DOCK7: variants seen among roughly 807,000 people sequenced by gnomAD.
DOCK7 encodes the protein dedicator of cytokinesis protein 7.
Under a neutral mutation model 271.0 loss-of-function variants are expected in DOCK7, and 138 were observed. The ratio of observed to expected loss-of-function variants is 0.51; its 90% CI spans 0.44 to 0.59. The LOEUF is 0.59. Ranked by LOEUF, DOCK7 falls within the 20% of genes least tolerant of loss-of-function variation. The pLI is 0.00. For missense variants in DOCK7, 2,066 were observed against 2,592.4 expected (o/e 0.80, Z 4.41); for synonymous variants, 823 against 876.1 (o/e 0.94, Z 1.07).
Position 62,559,078 on chromosome 1 carries a change from T to C in DOCK7, c.2342A>G (p.Gln781Arg), listed in dbSNP as rs1381709545. 2 of 1,613,820 alleles carry C rather than the reference T, an allele frequency of 1.2e-6. No individual in the cohort carries two copies. The highest frequency in any genetic ancestry group is 1.7e-6 in the Non-Finnish European group (2 of 1,179,928). Residue 781 changes from glutamine (Q) to arginine (R), a missense_variant, in exon 20 of 50, where the codon CAG becomes CGG. Physicochemically the swap from Gln to Arg is conservative, Grantham distance 43. This residue lies in a region of DOCK7 where 1,414 missense variants were observed against 1,670.4 expected (regional missense o/e 0.85). Coordinates refer to ENST00000635253, the MANE Select transcript of DOCK7 (RefSeq NM_001367561.1). The part of the protein sequence containing the change: ...KSSISALNSS[Q>R]LEPVVRFLHL... Reference sequence around the variant, plus strand: ...AAGAAATCGGACCACTGGTTCCAGCTGGGATGAATTCAGTGCTGAAATACT... The same window carrying C: ...AAGAAATCGGACCACTGGTTCCAGCCGGGATGAATTCAGTGCTGAAATACT...
At chr1:62,568,797 C>A (rs1339451723) in intron 18 of DOCK7, among the ~76,000 whole-genome samples, 1 of 150,746 alleles carries the variant, frequency 6.6e-6, no homozygotes, top group African/African-American at 2.4e-5. Flanking sequence ...ATTAACAGAT[C>A]CAGAAGCTGT....
chr1:62,470,729 G>A (rs2149250349), intron 48 of DOCK7, among the ~76,000 whole-genome samples: 1 of 152,258 alleles, frequency 6.6e-6, no homozygotes, highest in Non-Finnish European at 1.5e-5. Context: ...AGGAGGCAGA[G>A]GGTGCAGTGA....
At chr1:62,624,070 T>C (rs151236357) in intron 12 of DOCK7, among the ~76,000 whole-genome samples, 11 of 152,298 alleles carry the variant, frequency 7.2e-5, no homozygotes, top group African/African-American at 2.6e-4. Context: ...CTACTCCAGT[T>C]TGTTACGCTA....
intron 18 of DOCK7, among the ~76,000 whole-genome samples, chr1:62,563,859 C>T (rs1162570248): frequency 2.9e-5 from 1 of 34,042 alleles, no homozygotes. Context: ...GAATATTTAC[C>T]AAGCAAAAAA....
chr1:62,628,245 G>A (rs561179354), intron 11 of DOCK7: 17 of 152,384 alleles, frequency 1.1e-4, no homozygotes, highest in African/African-American at 4.1e-4. Context: ...AGGCGATAAT[G>A]CTAGCTCAGC....
intron 14 of DOCK7, chr1:62,601,772 T>C (rs2149535595): frequency 1.2e-6 from 2 of 1,601,594 alleles, no homozygotes; most frequent in Middle Eastern, 1.7e-4. Flanking sequence ...ATTCTAGGCA[T>C]TCCTGCTGAA....
intron 17 of DOCK7, among the ~76,000 whole-genome samples, 177 bp downstream of exon 17, chr1:62,578,651 A>C (rs1647009985): frequency 6.7e-6 from 1 of 149,792 alleles, no homozygotes; most frequent in East Asian, 2.0e-4. Flanking sequence ...GAACCCAGGA[A>C]ACGGAGGTTG....
chr1:62,616,678 CTA>C lies in DOCK7; in HGVS notation c.1682+2026_1682+2027del, dbSNP rs571898493. On this transcript the variant is annotated intron_variant, in intron 14 of 49. Coordinates refer to ENST00000635253, the MANE Select transcript of DOCK7 (RefSeq NM_001367561.1). ...CAGAATTATGTAATGTATAAGATTT[CTA>C]TGAGACTGAATAAACTAATTTAAAT... Among the ~76,000 whole-genome samples the C allele has an allele frequency of 3.1e-3, 465 of 151,680 alleles. 5 individuals carry two copies. The highest frequency in any genetic ancestry group is 4.3e-3 in the Non-Finnish European group (294 of 67,650).
intron 31 of DOCK7, among the ~76,000 whole-genome samples, chr1:62,514,439 C>T (rs1430353051): frequency 6.6e-6 from 1 of 151,894 alleles, no homozygotes; most frequent in Non-Finnish European, 1.5e-5. Context: ...GGTTGAAATG[C>T]TATTTTCAAT....
At chr1:62,553,350 A>AT (rs1646011393) in intron 21 of DOCK7, among the ~76,000 whole-genome samples, 1 of 14,872 alleles carries the variant, frequency 6.7e-5, no homozygotes, top group African/African-American at 3.5e-4. Flanking sequence ...ATATATATAT[A>AT]TATATTTTTT....
At chr1:62,495,296 G>C (rs1646587944) in intron 39 of DOCK7, 2 of 194,228 alleles carry the variant, frequency 1.0e-5, no homozygotes, top group Non-Finnish European at 2.1e-5. Context: ...TCTACCATTA[G>C]AAAAATCACT....
intron 47 of DOCK7, 95 bp from the exon 48 acceptor site, chr1:62,474,183 G>T: frequency 2.0e-6 from 2 of 1,018,632 alleles, no homozygotes; most frequent in Non-Finnish European, 3.0e-6. Flanking sequence ...CTCTGAGATG[G>T]CTGCATTTAA....
chr1:62,673,954 A>C (rs1163849108), intron 1 of DOCK7, among the ~76,000 whole-genome samples: 2 of 85,076 alleles, frequency 2.4e-5, no homozygotes, highest in Admixed American at 1.4e-4. Flanking sequence ...GGGAGGGGGA[A>C]GGGGGGGAGG....
chr1:62,651,062 T>A (rs1364332255), intron 4 of DOCK7, among the ~76,000 whole-genome samples: 5 of 151,714 alleles, frequency 3.3e-5, no homozygotes, highest in Non-Finnish European at 5.9e-5. Context: ...CCATCAATGA[T>A]AGACTGGATT....
At chr1:62,475,513 A>G in intron 46 of DOCK7, 162 bp from the exon 47 acceptor site, 1 of 1,127,964 alleles carries the variant, frequency 8.9e-7, no homozygotes, top group Non-Finnish European at 1.2e-6. Context: ...AAAAAAATCA[A>G]CCTTTTAAAG....
rs769034143 is a variant in DOCK7 at position 62,475,201 on chromosome 1, C to T, written c.6105+7G>A. 2 of 1,612,032 alleles carry T rather than the reference C, an allele frequency of 1.2e-6. No homozygotes were observed. On this transcript the variant is annotated splice_region_variant and intron_variant, in intron 47 of 49. Coordinates refer to ENST00000635253, the MANE Select transcript of DOCK7 (RefSeq NM_001367561.1). Reference sequence around the variant, plus strand: ...TAAATCACACAGTGCTAGCAAAAAGCACTAACCTGATTCACTGTGGTGCCT... The same window carrying T: ...TAAATCACACAGTGCTAGCAAAAAGTACTAACCTGATTCACTGTGGTGCCT...
At chr1:62,636,724 C>A (rs1478677270) in intron 7 of DOCK7, 121 bp from the exon 8 acceptor site, 1 of 748,908 alleles carries the variant, frequency 1.3e-6, no homozygotes, top group African/African-American at 1.8e-5. Flanking sequence ...TGTGCCTTTG[C>A]CTATATTAAA....
chr1:62,482,657 T>A (rs1287696894), intron 43 of DOCK7: 1 of 152,174 alleles, frequency 6.6e-6, no homozygotes, highest in Non-Finnish European at 1.5e-5. Context: ...ATTCTATATA[T>A]ACTGGTATAA....
rs765686855 is a variant in DOCK7, at chr1:62,505,752, C to T, written c.4541G>A (p.Ser1514Asn). 9 of 1,613,498 alleles carry T rather than the reference C, an allele frequency of 5.6e-6. No homozygotes were observed. The highest frequency in any genetic ancestry group is 7.6e-6 in the Non-Finnish European group (9 of 1,179,768). The stretch of plus-strand genomic sequence containing the variant: ...AACTGCACTTTGGTTACAGGCCATG[C>T]TGTGTAGTAGCACTTTTAGCACTCC... ...LGGVLKVLLH[S>N]MACNQSAVYL... Residue 1514 changes from serine to asparagine, a missense_variant, in exon 36 of 50, where the codon AGC becomes AAC. Physicochemically the swap from Ser to Asn is conservative, Grantham distance 46. Coordinates refer to ENST00000635253, the MANE Select transcript of DOCK7 (RefSeq NM_001367561.1).
Sources: allele counts gnomAD v4.1 joint callset (sites outside exome capture counted in the v4.1 genomes callset), GRCh38; gene constraint gnomAD v4.1.1; regional missense constraint gnomAD v4.1.1; transcripts MANE v1.5; gene names NCBI Gene and HGNC (gene_info 2026-07-23, HGNC 2026-07-21).